Variants in SHANK2 observed in about 807,000 individuals in gnomAD.
SHANK2 encodes SH3 and multiple ankyrin repeat domains 2, also known as SH3 and multiple ankyrin repeat domains protein 2.
SHANK2 carries 43 observed loss-of-function variants against 133.7 expected under a neutral mutation model. The observed-to-expected ratio is 0.32, with a 90% CI of 0.25 to 0.41. SHANK2 has a LOEUF of 0.41. Among genes scored for constraint, SHANK2 ranks in the 10% least tolerant of loss-of-function variants. SHANK2 has a pLI of 1.00. For synonymous variants in SHANK2, 1,017 were observed against 952.8 expected, an observed-to-expected ratio of 1.07 and a Z score of -1.24; for missense variants, 1,994 against 2,235.8, an observed-to-expected ratio of 0.89 and a Z score of 2.18.
In SHANK2 at chr11:70,547,749, C is replaced by T. The variant is rs2059713008; in HGVS notation, c.2062-44818G>A. Among the ~76,000 whole-genome samples, 3 of 152,182 alleles carry T rather than the reference C, an allele frequency of 2.0e-5. No homozygotes were observed. The South Asian group carries it at 6.2e-4, about 32-fold the overall frequency. On this transcript the variant is annotated intron_variant, in intron 17 of 25. Transcript: ENST00000601538. ...CCGCTTGAATAGCTGACTTGAAAGG[C>T]TGAGCTCTTACTCTACGTAATTGTC...
At chr11:70,709,734 G>T (rs1359477724) in intron 14 of SHANK2, among the ~76,000 whole-genome samples, 2 of 152,116 alleles carry the variant, frequency 1.3e-5, no homozygotes, top group East Asian at 1.9e-4. Context: ...AGCTGGCAAA[G>T]GTACGCAAGT....
chr11:70,715,581 A>G (rs1396134301), intron 14 of SHANK2, among the ~76,000 whole-genome samples: 3 of 151,910 alleles, frequency 2.0e-5, no homozygotes, highest in Non-Finnish European at 4.4e-5. Context: ...GTTGGTTTCT[A>G]CTCTATAGTA....
intron 11 of SHANK2, among the ~76,000 whole-genome samples, chr11:70,833,410 A>G (rs1565349397): frequency 6.6e-6 from 1 of 152,142 alleles, no homozygotes; most frequent in Admixed American, 6.5e-5. Flanking sequence ...GGTGACCCAG[A>G]CCCTGACCGG....
chr11:70,798,506 T>C lies in SHANK2; in HGVS notation c.1714A>G (p.Ile572Val), dbSNP rs1395605500. ...ACGCACTCCGCCGGAAACCATCCGA[T>C]GTGGCCGCGGGCGCTGCCTTCCCAG... ...GFWEGSARGH[I>V]GWFPAECVEE... The change falls in exon 14 of 26, where the codon ATC becomes GTC. Residue 572 changes from isoleucine (I) to valine (V), a missense_variant. Around this residue, in one of 5 missense-constraint regions of SHANK2, gnomAD observed 653 missense variants for 563.4 expected, o/e 1.16. Transcript: ENST00000601538. 2 of 718,432 alleles carry C rather than the reference T, an allele frequency of 2.8e-6. No homozygotes were observed. Among genetic ancestry groups the C allele is most frequent in the African/African-American group, 1.7e-5 (1 of 57,250 alleles). 44.5% of individuals were successfully genotyped at this position (718,432 alleles called of 1,614,324 possible).
intron 1 of SHANK2, among the ~76,000 whole-genome samples, chr11:71,243,168 C>T (rs927312500): frequency 1.3e-5 from 2 of 151,934 alleles, no homozygotes; most frequent in African/African-American, 2.4e-5. Flanking sequence ...AGAAAAAGAA[C>T]GGGAAACTGA....
chr11:71,087,000 G>C (rs1951428895), intron 8 of SHANK2, among the ~76,000 whole-genome samples: 1 of 152,188 alleles, frequency 6.6e-6, no homozygotes, highest in Non-Finnish European at 1.5e-5. Flanking sequence ...CACCTGGCTG[G>C]CTTTCCAAAC....
intron 17 of SHANK2, among the ~76,000 whole-genome samples, chr11:70,598,420 T>A (rs2060430867): frequency 6.6e-6 from 1 of 152,136 alleles, no homozygotes; most frequent in Admixed American, 6.5e-5. Flanking sequence ...TTGAAAGAGA[T>A]TGAACCAGAA....
intron 17 of SHANK2, among the ~76,000 whole-genome samples, chr11:70,601,475 C>T (rs2060496789): frequency 6.6e-6 from 1 of 152,158 alleles, no homozygotes; most frequent in Admixed American, 6.5e-5. Context: ...CCTCAGCCTC[C>T]CAAAGTGCTG....
chr11:70,781,577 T>TATATATATATATATATATAC (rs1591838677), intron 14 of SHANK2, among the ~76,000 whole-genome samples: 1 of 123,784 alleles, frequency 8.1e-6, no homozygotes, highest in African/African-American at 3.0e-5. Context: ...TATATATATA[T>TATATATATATATATATATAC]ATATATTTAC....
intron 13 of SHANK2, among the ~76,000 whole-genome samples, chr11:70,802,815 G>T (rs1555050833): frequency 1.3e-5 from 2 of 152,200 alleles, no homozygotes; most frequent in Non-Finnish European, 2.9e-5. Context: ...TATGTCATGG[G>T]CTTAGTTTTT....
chr11:71,132,052 G>T (rs1272214455), intron 3 of SHANK2, among the ~76,000 whole-genome samples: 1 of 152,230 alleles, frequency 6.6e-6, no homozygotes, highest in Non-Finnish European at 1.5e-5. Context: ...TAAGCCAGCA[G>T]GAGGTCAGAA....
At chr11:71,234,736 T>C (rs1954802842) in intron 1 of SHANK2, among the ~76,000 whole-genome samples, 2 of 152,106 alleles carry the variant, frequency 1.3e-5, no homozygotes. Context: ...CGTCCTCTTC[T>C]GTCAAGGAGG....
At chr11:70,911,016 C>A (rs951997414) in intron 10 of SHANK2, 2 of 456,972 alleles carry the variant, frequency 4.4e-6, no homozygotes, top group South Asian at 1.5e-5. Context: ...TTTGCAGAAA[C>A]GAAGGGGGTG....
rs1555094993 is a variant in SHANK2 at position 71,094,662 on chromosome 11, G to C, written c.619C>G (p.Leu207Val). ...TTGATGACCTCCACAGAGTCGTCCA[G>C]CTGAGCGGCTAAGGTCAGGGGGGTC... ...GETPLTLAAQ[L>V]DDSVEVIKAL... The change falls in exon 7 of 26, where the codon CTG (leucine) becomes GTG (valine). Residue 207 changes from leucine to valine, a missense_variant. By Grantham distance (32) the Leu-to-Val change is conservative (BLOSUM62 1). Coordinates refer to ENST00000601538, the MANE Select transcript of SHANK2 (RefSeq NM_012309.5). 1 of 1,551,864 alleles carries C rather than the reference G, an allele frequency of 6.4e-7. No homozygotes were observed. The highest frequency in any genetic ancestry group is 2.0e-5 in the Admixed American group (1 of 50,994).
chr11:70,554,881 T>C (rs1292205862), intron 17 of SHANK2, among the ~76,000 whole-genome samples: 3 of 146,048 alleles, frequency 2.1e-5, no homozygotes, highest in Non-Finnish European at 4.5e-5. Context: ...CCTCACTTCA[T>C]TGCACTTCAC....
chr11:70,551,729 T>A (rs1358551433), intron 17 of SHANK2, among the ~76,000 whole-genome samples: 1 of 152,228 alleles, frequency 6.6e-6, no homozygotes, highest in African/African-American at 2.4e-5. Flanking sequence ...TAGCCCTATA[T>A]CCCACTTAGC....
intron 17 of SHANK2, among the ~76,000 whole-genome samples, chr11:70,592,281 C>T (rs1428825105): frequency 6.6e-6 from 1 of 152,094 alleles, no homozygotes; most frequent in Admixed American, 6.5e-5. Context: ...AGGGGACAGC[C>T]AGGGCAGGTG....
chr11:70,795,212 GA>G lies in SHANK2; in HGVS notation c.1777+3230del, dbSNP rs372310931. Among the ~76,000 whole-genome samples, 96 of 152,102 alleles carry G rather than the reference GA, an allele frequency of 6.3e-4. No homozygotes were observed. In the East Asian group the frequency reaches 0.017, roughly 26 times the overall value. ...GTTCATTTTTGCCATCTGTGTTAGG[GA>G]GAAAGATGGCTCCTCCCTAGGATGC... On this transcript the variant is annotated intron_variant, in intron 14 of 25. Transcript: ENST00000601538.
chr11:70,784,455 C>G (rs1034094929), intron 14 of SHANK2, among the ~76,000 whole-genome samples: 4 of 139,918 alleles, frequency 2.9e-5, no homozygotes, highest in Admixed American at 7.9e-5. Flanking sequence ...CTCCTGGGTT[C>G]AGGCGATTCT....
Sources: allele counts gnomAD v4.1 joint callset (sites outside exome capture counted in the v4.1 genomes callset), GRCh38; gene constraint gnomAD v4.1.1; regional missense constraint gnomAD v4.1.1; transcripts MANE v1.5; gene names NCBI Gene and HGNC (gene_info 2026-07-23, HGNC 2026-07-21).